The following SERGEF variants were observed in gnomAD, a reference collection of about 807,000 sequenced individuals.
SERGEF encodes secretion-regulating guanine nucleotide exchange factor.
Under a neutral mutation model 50.0 loss-of-function variants are expected in SERGEF, and 51 were observed. That is an observed-to-expected ratio of 1.02 (90% CI 0.81 to 1.29). The LOEUF is 1.29. Among genes scored for constraint, SERGEF ranks in the 50% most tolerant of loss-of-function variants. The pLI is 0.00. For missense variants in SERGEF, 521 were observed against 557.0 expected (o/e 0.94, Z 0.65); for synonymous variants, 205 against 212.4 (o/e 0.97, Z 0.30).
At chr11:17,887,898 A>G (rs1257140076) in intron 9 of SERGEF, among the ~76,000 whole-genome samples, 2 of 152,220 alleles carry the variant, frequency 1.3e-5, no homozygotes, top group African/African-American at 2.4e-5. Context: ...CCTGTTAGGA[A>G]CCAGGCCACA....
chr11:17,992,559 CAT>C (rs1020494169), intron 7 of SERGEF, among the ~76,000 whole-genome samples: 3 of 152,170 alleles, frequency 2.0e-5, no homozygotes, highest in East Asian at 1.9e-4. Flanking sequence ...CTGTGTTATC[CAT>C]ATATGTTATA....
At chr11:17,883,514 G>T (rs1301146382) in intron 9 of SERGEF, among the ~76,000 whole-genome samples, 1 of 152,128 alleles carries the variant, frequency 6.6e-6, no homozygotes, top group Non-Finnish European at 1.5e-5. Flanking sequence ...AGATTCCTTT[G>T]TTACAACCAT....
rs2133907907 is a variant in SERGEF, at chr11:17,888,391, T to C, written c.1012-10147A>G. The stretch of plus-strand genomic sequence containing the variant: ...ATAACTTCTGTTTACAAACAAACAA[T>C]GCAAAAAAAATTTAACTACTTTGTA... On this transcript the variant is annotated intron_variant, in intron 9 of 10. Coordinates refer to ENST00000265965, the MANE Select transcript of SERGEF (RefSeq NM_012139.4). The surrounding 1 kb of genome is among the most constrained non-coding windows in gnomAD (Gnocchi z 4.1). 1.3e-5 allele frequency among the ~76,000 whole-genome samples: 2 copies of C among 152,198 alleles called. No homozygotes were observed. Among genetic ancestry groups the C allele is most frequent in the Middle Eastern group, 6.8e-3 (2 of 294 alleles).
At chr11:17,995,593 C>T (rs1001044239) in intron 6 of SERGEF, among the ~76,000 whole-genome samples, 11 of 152,198 alleles carry the variant, frequency 7.2e-5, no homozygotes, top group African/African-American at 1.7e-4. Flanking sequence ...ATGCCTCAAT[C>T]GGTTCCAAAC....
At position 17,932,135 on chromosome 11, in the gene SERGEF, G is replaced by A. The variant is rs781419536; in HGVS notation, c.1011+27335C>T. Among the ~76,000 whole-genome samples, 9 of 152,242 alleles carry A rather than the reference G, an allele frequency of 5.9e-5. No homozygotes were observed. The Middle Eastern group carries it at 0.01, about 173-fold the overall frequency. ...GTATACATATGTAACAAACCTGCAC[G>A]TTGTGCACATGTGCCCTAAAACTTA... On this transcript the variant is annotated intron_variant, in intron 9 of 10. Transcript: ENST00000265965.
chr11:17,868,846 T>G (rs1416149311), intron 10 of SERGEF, among the ~76,000 whole-genome samples: 2 of 152,168 alleles, frequency 1.3e-5, no homozygotes, highest in Non-Finnish European at 1.5e-5. Context: ...CCATCAGATC[T>G]CGTGAGACTT....
intron 9 of SERGEF, among the ~76,000 whole-genome samples, chr11:17,883,332 A>G (rs777249620): frequency 7.9e-5 from 12 of 152,254 alleles, no homozygotes; most frequent in Non-Finnish European, 1.5e-4. Flanking sequence ...CAAAAATTGG[A>G]TGAATGTGAA....
At chr11:17,944,701 C>A (rs914878812) in intron 9 of SERGEF, among the ~76,000 whole-genome samples, 1 of 152,186 alleles carries the variant, frequency 6.6e-6, no homozygotes, top group Non-Finnish European at 1.5e-5. Context: ...ATTCAATTCT[C>A]TTCTGAGCAC....
chr11:17,818,108 C>CTAT (rs1212499861), intron 10 of SERGEF, among the ~76,000 whole-genome samples: 1 of 152,156 alleles, frequency 6.6e-6, no homozygotes, highest in Non-Finnish European at 1.5e-5. Flanking sequence ...TTCATGGACA[C>CTAT]TATACAGTTA....
At chr11:17,821,404 C>T (rs11821847) in intron 10 of SERGEF, among the ~76,000 whole-genome samples, 48,001 of 152,040 alleles carry the variant, frequency 0.32, 7,879 homozygotes, top group South Asian at 0.46. Flanking sequence ...ATACAAACTA[C>T]GTTACAAGAA....
chr11:17,932,204 C>A (rs1268619676), intron 9 of SERGEF, among the ~76,000 whole-genome samples: 7 of 152,156 alleles, frequency 4.6e-5, no homozygotes, highest in Non-Finnish European at 1.0e-4. Context: ...TCTGCTAATG[C>A]AACAGGGAAT....
chr11:17,954,275 A>T (rs1029486093), intron 9 of SERGEF, among the ~76,000 whole-genome samples: 1 of 152,182 alleles, frequency 6.6e-6, no homozygotes, highest in African/African-American at 2.4e-5. Context: ...CACAGTCTTG[A>T]CACAAACTTA....
chr11:17,899,945 T>C (rs1469723119), intron 9 of SERGEF, among the ~76,000 whole-genome samples: 1 of 148,788 alleles, frequency 6.7e-6, no homozygotes, highest in Non-Finnish European at 1.5e-5. Flanking sequence ...TTTGAGACTC[T>C]TGCCTCCAAA....
At chr11:17,944,118 G>A (rs1459139119) in intron 9 of SERGEF, among the ~76,000 whole-genome samples, 12 of 151,992 alleles carry the variant, frequency 7.9e-5, no homozygotes, top group Admixed American at 3.3e-4. Context: ...TAGTAGAGAC[G>A]GGGTTTCGTC....
intron 2 of SERGEF, among the ~76,000 whole-genome samples, chr11:18,007,699 G>A (rs1434580332): frequency 6.6e-6 from 1 of 151,988 alleles, no homozygotes; most frequent in Non-Finnish European, 1.5e-5. Flanking sequence ...GTTCCTTTCT[G>A]AGTTTCATTT....
chr11:17,824,483 G>C (rs1165342032), intron 10 of SERGEF, among the ~76,000 whole-genome samples: 1 of 152,192 alleles, frequency 6.6e-6, no homozygotes, highest in African/African-American at 2.4e-5. Flanking sequence ...AATCTTGTGG[G>C]GGGATATCAT....
intron 8 of SERGEF, among the ~76,000 whole-genome samples, chr11:17,972,475 G>T (rs1853268451): frequency 6.6e-6 from 1 of 152,106 alleles, no homozygotes; most frequent in Non-Finnish European, 1.5e-5. Context: ...CTCACTGAAG[G>T]CTCAGAAGAT....
chr11:17,852,903 C>G (rs1209876215), intron 10 of SERGEF, among the ~76,000 whole-genome samples: 1 of 152,126 alleles, frequency 6.6e-6, no homozygotes, highest in Non-Finnish European at 1.5e-5. Context: ...GCCACTCACC[C>G]AATAAAGTGA....
intron 10 of SERGEF, among the ~76,000 whole-genome samples, chr11:17,803,699 C>G (rs1359967455): frequency 6.6e-6 from 1 of 152,214 alleles, no homozygotes; most frequent in South Asian, 2.1e-4. Context: ...GGATCTACTT[C>G]TCAGCCTTCC....
Sources: allele counts gnomAD v4.1 joint callset (sites outside exome capture counted in the v4.1 genomes callset), GRCh38; gene constraint gnomAD v4.1.1; non-coding constraint Gnocchi (gnomAD v3.1); transcripts MANE v1.5; gene names NCBI Gene and HGNC (gene_info 2026-07-23, HGNC 2026-07-21).